Variants in APOBEC3G observed in about 807,000 individuals in gnomAD.
APOBEC3G encodes apolipoprotein B mRNA editing enzyme catalytic subunit 3G.
Under a neutral mutation model 50.0 loss-of-function variants are expected in APOBEC3G, and 44 were observed. That is an observed-to-expected ratio of 0.88 (90% CI 0.69 to 1.13). The LOEUF (loss-of-function observed/expected upper bound fraction) is 1.13, where lower values mean the gene tolerates loss of function less well. Among genes scored for constraint, APOBEC3G ranks in the 50% most tolerant of loss-of-function variants. APOBEC3G has a pLI of 0.00. For missense variants in APOBEC3G, 469 were observed against 492.0 expected (o/e 0.95, Z 0.44); for synonymous variants, 156 against 175.3 (o/e 0.89, Z 0.87).
chr22:39,086,022 C>T (rs977160218), intron 5 of APOBEC3G, among the ~76,000 whole-genome samples: 9 of 152,126 alleles, frequency 5.9e-5, no homozygotes, highest in African/African-American at 1.2e-4. Context: ...AAAATTCCCT[C>T]GGCCGGGCGC....
chr22:39,081,745 ACTCCTCGTGCTCCCTCCAC>A (rs1401095508), intron 4 of APOBEC3G, 160 bp downstream of exon 4: 2 of 598,728 alleles, frequency 3.3e-6, no homozygotes, highest in Non-Finnish European at 5.9e-6. Context: ...CCTCACCCAC[ACTCCTCGTGCTCCCTCCAC>A]CTCCCTGCCT....
chr22:39,086,942 G>C, intron 6 of APOBEC3G, 69 bp from the exon 7 acceptor site: 2 of 1,534,246 alleles, frequency 1.3e-6, no homozygotes, highest in Admixed American at 3.8e-5. Context: ...TGTCTTGAGA[G>C]TCATGGGCCT....
chr22:39,085,658 G>A (rs1179089715), intron 5 of APOBEC3G, among the ~76,000 whole-genome samples: 2 of 152,148 alleles, frequency 1.3e-5, no homozygotes, highest in African/African-American at 2.4e-5. Context: ...AGGCTGAGGC[G>A]GGCAGATCAC....
At chr22:39,086,737 G>A (rs575502920) in intron 6 of APOBEC3G, among the ~76,000 whole-genome samples, 170 bp downstream of exon 6, 11 of 152,076 alleles carry the variant, frequency 7.2e-5, no homozygotes, top group Non-Finnish European at 1.3e-4. Flanking sequence ...CGGGAAGAGA[G>A]AGGCCAGGCC....
chr22:39,083,767 T>A lies in APOBEC3G; in HGVS notation c.618T>A (p.Phe206Leu). 6.2e-7 allele frequency: 1 copy of A among 1,613,948 alleles called. No homozygotes were observed. Residue 206 changes from phenylalanine (F) to leucine (L), a missense_variant, in exon 5 of 8, where the codon TTT (phenylalanine) becomes TTA (leucine). Physicochemically the swap from Phe to Leu is conservative, Grantham distance 22 (BLOSUM62 0). Coordinates refer to ENST00000407997, the MANE Select transcript of APOBEC3G (RefSeq NM_021822.4). Reference protein sequence around the residue: ...SMDPPTFTFNFNNEPWVRGRH... With the variant: ...SMDPPTFTFNLNNEPWVRGRH... ...ATCCACCCACATTCACTTTCAACTT[T>A]AACAATGAACCTTGGGTCAGAGGAC...
At chr22:39,081,831 C>A (rs1928476156) in intron 4 of APOBEC3G, 1 of 458,856 alleles carries the variant, frequency 2.2e-6, no homozygotes, top group Non-Finnish European at 3.9e-6. Context: ...GCCTCCAGAG[C>A]AACCTCCATC....
At chr22:39,084,027 G>A in intron 5 of APOBEC3G, 143 bp downstream of exon 5, 1 of 1,135,228 alleles carries the variant, frequency 8.8e-7, no homozygotes. Flanking sequence ...CTTGGCCCTG[G>A]GGTTGGGGGA....
At chr22:39,082,854 C>T (rs1005988398) in intron 4 of APOBEC3G, 9 of 152,542 alleles carry the variant, frequency 5.9e-5, no homozygotes, top group Admixed American at 5.9e-4. Context: ...CCCAGATGTT[C>T]CTGTGTGCTT....
chr22:39,078,780 T>G, intron 1 of APOBEC3G, 152 bp from the exon 2 acceptor site: 2 of 1,092,756 alleles, frequency 1.8e-6, no homozygotes, highest in Non-Finnish European at 2.5e-6. Flanking sequence ...TGGCGCGATC[T>G]TGGCTCACTA....
At chr22:39,079,322 C>CTTTT in intron 2 of APOBEC3G, 3 of 427,372 alleles carry the variant, frequency 7.0e-6, no homozygotes, top group Non-Finnish European at 1.2e-5. Context: ...TTTCTTTTTT[C>CTTTT]TTTTTTTTTT....
At chr22:39,083,917 G>T (rs780465264) in intron 5 of APOBEC3G, 33 bp downstream of exon 5, 1 of 1,604,396 alleles carries the variant, frequency 6.2e-7, no homozygotes, top group South Asian at 1.1e-5. Flanking sequence ...TCCAGGCAGG[G>T]CCCTCCCAAC....
At chr22:39,078,016 T>G (rs1221840643) in intron 1 of APOBEC3G, among the ~76,000 whole-genome samples, 1 of 152,136 alleles carries the variant, frequency 6.6e-6, no homozygotes, top group Non-Finnish European at 1.5e-5. Context: ...TCCCAGCACT[T>G]TGGGAGGCTG....
chr22:39,086,521 C>T lies in APOBEC3G; in HGVS notation c.978C>T (p.Arg326=), dbSNP rs1317247699. The T allele has an allele frequency of 1.2e-6, 2 of 1,612,560 alleles. No homozygotes were observed. Among genetic ancestry groups the T allele is most frequent in the Middle Eastern group, 1.7e-4 (1 of 5,896 alleles). ...AAGGAAGATGTCAGGAGGGGCTGCG[C>T]ACCCTGGCCGAGGCTGGGGCCAAAA... is the stretch of plus-strand genomic sequence containing the variant. ...DDQGRCQEGL[R]TLAEAGAKIS... Residue 326 remains arginine, a synonymous_variant, in exon 6 of 8, where the codon CGC becomes CGT. Transcript: ENST00000407997.
At chr22:39,085,540 T>C (rs780478103) in intron 5 of APOBEC3G, among the ~76,000 whole-genome samples, 1 of 152,128 alleles carries the variant, frequency 6.6e-6, no homozygotes, top group African/African-American at 2.4e-5. Flanking sequence ...CTCCAAATAC[T>C]CAGTATCAGA....
chr22:39,078,830 G>A, intron 1 of APOBEC3G, 102 bp from the exon 2 acceptor site: 1 of 1,469,970 alleles, frequency 6.8e-7, no homozygotes. Context: ...GAGGGATGGG[G>A]GAGGCCTAGA....
intron 5 of APOBEC3G, among the ~76,000 whole-genome samples, chr22:39,084,108 A>G (rs1367712663): frequency 6.6e-6 from 1 of 152,142 alleles, no homozygotes; most frequent in Non-Finnish European, 1.5e-5. Flanking sequence ...CACATGTCTC[A>G]GGGGCTAACA....
Position 39,081,457 on chromosome 22 carries a change from C to G in APOBEC3G, c.467-14C>G, listed in dbSNP as rs1928450836. ...CCAGCTGGGCTTGACTGCGTTCTCT[C>G]TTCTTTTTCTTAGAATTTCAGCACT... On this transcript the variant is annotated splice_polypyrimidine_tract_variant and intron_variant, in intron 3 of 7. Coordinates refer to ENST00000407997, the MANE Select transcript of APOBEC3G (RefSeq NM_021822.4). 6.2e-7 allele frequency: 1 copy of G among 1,612,976 alleles called. No homozygotes were observed. The highest frequency in any genetic ancestry group is 8.5e-7 in the Non-Finnish European group (1 of 1,179,148).
At chr22:39,082,622 T>TAAAA (rs1928520367) in intron 4 of APOBEC3G, 1 of 152,180 alleles carries the variant, frequency 6.6e-6, no homozygotes, top group Non-Finnish European at 1.5e-5. Flanking sequence ...AAACTTCTTC[T>TAAAA]CAAACAAACA....
In APOBEC3G at chr22:39,081,531, A is replaced by G. The variant is rs895303956; in HGVS notation, c.527A>G (p.Asn176Ser). The stretch of plus-strand genomic sequence containing the variant: ...CAAAGAGAGCTATTTGAGCCTTGGA[A>G]TAATCTGCCTAAATATTATATATTA... ...YSQRELFEPWNNLPKYYILLH... is the reference protein window; with the variant it reads ...YSQRELFEPWSNLPKYYILLH... Residue 176 changes from asparagine to serine, a missense_variant, in exon 4 of 8, where the codon AAT (asparagine) becomes AGT (serine). By Grantham distance (46) the Asn-to-Ser change is conservative. Transcript: ENST00000407997. 1.9e-6 allele frequency: 3 copies of G among 1,614,070 alleles called. No individual in the cohort carries two copies. Among genetic ancestry groups the G allele is most frequent in the Non-Finnish European group, 2.5e-6 (3 of 1,180,012 alleles).
Sources: gnomAD v4.1 joint callset for allele counts (sites outside exome capture counted in the v4.1 genomes callset) on GRCh38, gnomAD v4.1.1 for gene constraint, MANE v1.5 for transcripts, NCBI Gene and HGNC (gene_info 2026-07-23, HGNC 2026-07-21) for gene names.